SLC44A5: variants seen among roughly 807,000 people sequenced by gnomAD.
The protein encoded by SLC44A5 is solute carrier family 44 member 5, also known as choline transporter-like protein 5.
A neutral mutation model predicts 101.8 loss-of-function variants in SLC44A5; 57 were observed. The observed-to-expected ratio is 0.56, with a 90% CI of 0.45 to 0.70. The LOEUF is 0.70. Among genes scored for constraint, SLC44A5 ranks in the 30% least tolerant of loss-of-function variants. SLC44A5 has a pLI of 0.00. For synonymous variants in SLC44A5, 281 were observed against 290.9 expected, an observed-to-expected ratio of 0.97 and a Z score of 0.35; for missense variants, 737 against 853.1, an observed-to-expected ratio of 0.86 and a Z score of 1.70.
rs1184258394 is a variant in SLC44A5, at chr1:75,251,219, A to G, written c.336T>C (p.Pro112=). The G allele has an allele frequency of 1.9e-6, 3 of 1,612,468 alleles. No homozygotes were observed. Among genetic ancestry groups the G allele is most frequent in the Non-Finnish European group, 1.7e-6 (2 of 1,178,636 alleles). Reference sequence around the variant, plus strand: ...GCACCTTTTGCCTTACCTGTGTGGTAGGGCACTGTAGGTTTAGCAACACGG... The same window carrying G: ...GCACCTTTTGCCTTACCTGTGTGGTGGGGCACTGTAGGTTTAGCAACACGG... ...SPSVLLNLQC[P]TTQICVSKCP... is the part of the protein sequence containing the mutation. The change falls in exon 7 of 24, where the codon CCT becomes CCC. Residue 112 remains proline, a synonymous_variant. Transcript: ENST00000370859.
chr1:75,523,252 A>G (rs1296871437), intron 2 of SLC44A5, among the ~76,000 whole-genome samples: 1 of 151,986 alleles, frequency 6.6e-6, no homozygotes, highest in Non-Finnish European at 1.5e-5. Flanking sequence ...TGTGGATATG[A>G]CTCTGGGGAC....
intron 2 of SLC44A5, among the ~76,000 whole-genome samples, chr1:75,437,398 T>C (rs1664952492): frequency 6.6e-6 from 1 of 152,126 alleles, no homozygotes; most frequent in Non-Finnish European, 1.5e-5. Context: ...AACTGAAATA[T>C]CATTATGCAG....
the SLC44A5 span, among the ~76,000 whole-genome samples, chr1:75,700,948 C>T: frequency 6.6e-6 from 1 of 152,136 alleles, no homozygotes; most frequent in Admixed American, 6.5e-5. Flanking sequence ...CCTCCCAAGA[C>T]TAAACCAGGA....
intron 2 of SLC44A5, among the ~76,000 whole-genome samples, chr1:75,528,560 C>T (rs1304656409): frequency 2.0e-5 from 3 of 152,178 alleles, no homozygotes; most frequent in East Asian, 1.9e-4. Context: ...AAAACATGTG[C>T]GACAGTCTCC....
intron 1 of SLC44A5, among the ~76,000 whole-genome samples, chr1:75,554,457 G>GT (rs1387107853): frequency 8.3e-6 from 1 of 120,904 alleles, no homozygotes; most frequent in Admixed American, 8.5e-5. Context: ...GAGCAACAGA[G>GT]TGTGACTCTG....
At chr1:75,495,000 G>T (rs184503383) in intron 2 of SLC44A5, among the ~76,000 whole-genome samples, 1 of 152,296 alleles carries the variant, frequency 6.6e-6, no homozygotes, top group Non-Finnish European at 1.5e-5. Context: ...CACATAATTT[G>T]AGAGGCACCC....
chr1:75,472,457 A>G (rs946040421), intron 2 of SLC44A5, among the ~76,000 whole-genome samples: 1 of 152,174 alleles, frequency 6.6e-6, no homozygotes, highest in Non-Finnish European at 1.5e-5. Context: ...TATCATTCTT[A>G]CAGTTCTTTT....
At chr1:75,544,353 T>C (rs1038521066) in intron 1 of SLC44A5, among the ~76,000 whole-genome samples, 6 of 152,200 alleles carry the variant, frequency 3.9e-5, no homozygotes, top group Admixed American at 2.0e-4. Flanking sequence ...TTCTGTTTAT[T>C]ATAAATTACC....
intron 3 of SLC44A5, among the ~76,000 whole-genome samples, chr1:75,361,146 G>A (rs1659460927): frequency 6.6e-6 from 1 of 151,936 alleles, no homozygotes; most frequent in Non-Finnish European, 1.5e-5. Context: ...GATTTTTCGT[G>A]TTGAGTTTGT....
At chr1:75,223,562 A>G (rs1647133499) in intron 13 of SLC44A5, among the ~76,000 whole-genome samples, 1 of 152,238 alleles carries the variant, frequency 6.6e-6, no homozygotes, top group Admixed American at 6.5e-5. Flanking sequence ...TTGTTCAAGG[A>G]ACTTAATGGA....
the SLC44A5 span, among the ~76,000 whole-genome samples, chr1:75,669,322 G>A: frequency 6.6e-6 from 1 of 152,026 alleles, no homozygotes; most frequent in African/African-American, 2.4e-5. Flanking sequence ...TATACCCAAG[G>A]TCACTGTACT....
At chr1:75,395,199 A>G (rs1662048169) in intron 3 of SLC44A5, among the ~76,000 whole-genome samples, 1 of 152,134 alleles carries the variant, frequency 6.6e-6, no homozygotes, top group African/African-American at 2.4e-5. Flanking sequence ...CTTTATTCCA[A>G]GTGAGAAGAC....
At chr1:75,592,869 A>G (rs1674428063) in intron 1 of SLC44A5, among the ~76,000 whole-genome samples, 1 of 152,114 alleles carries the variant, frequency 6.6e-6, no homozygotes, top group Non-Finnish European at 1.5e-5. Context: ...GAAATCTAAG[A>G]CCTCAAACTA....
the SLC44A5 span, among the ~76,000 whole-genome samples, chr1:75,697,621 C>CA: frequency 3.3e-5 from 5 of 152,026 alleles, no homozygotes; most frequent in African/African-American, 1.2e-4. Flanking sequence ...ACTGTCTCTA[C>CA]AAAAAATACA....
intron 1 of SLC44A5, among the ~76,000 whole-genome samples, chr1:75,580,435 G>T (rs888930356): frequency 3.9e-5 from 6 of 152,162 alleles, no homozygotes; most frequent in African/African-American, 1.4e-4. Flanking sequence ...ATAGCTGCTT[G>T]TTCATGGTAG....
intron 1 of SLC44A5, among the ~76,000 whole-genome samples, chr1:75,547,417 G>A (rs1388496062): frequency 1.3e-5 from 2 of 152,186 alleles, no homozygotes; most frequent in South Asian, 2.1e-4. Flanking sequence ...GTGGAACTGA[G>A]ATCCTGAAGC....
At chr1:75,207,794 A>T (rs1212041240) in intron 23 of SLC44A5, among the ~76,000 whole-genome samples, 2 of 152,180 alleles carry the variant, frequency 1.3e-5, no homozygotes, top group Admixed American at 1.3e-4. Context: ...AAATTCCAGA[A>T]ATAAACAACT....
chr1:75,581,344 G>A (rs1170648742), intron 1 of SLC44A5, among the ~76,000 whole-genome samples: 1 of 152,154 alleles, frequency 6.6e-6, no homozygotes, highest in Non-Finnish European at 1.5e-5. Context: ...TTCCTTGTGA[G>A]TCTTGGTTGA....
At chr1:75,415,763 G>T (rs1186162265) in intron 2 of SLC44A5, among the ~76,000 whole-genome samples, 1 of 152,168 alleles carries the variant, frequency 6.6e-6, no homozygotes, top group Non-Finnish European at 1.5e-5. Flanking sequence ...AACTTGTTGG[G>T]AACTAGAGTA....
Sources: gnomAD v4.1 joint callset for allele counts (sites outside exome capture counted in the v4.1 genomes callset) on GRCh38, gnomAD v4.1.1 for gene constraint, MANE v1.5 for transcripts, NCBI Gene and HGNC (gene_info 2026-07-23, HGNC 2026-07-21) for gene names.